The following ADCY9 variants were observed in gnomAD, a reference collection of about 807,000 sequenced individuals.
ADCY9 encodes the protein adenylate cyclase 9.
Under a neutral mutation model 101.5 loss-of-function variants are expected in ADCY9, and 50 were observed. The ratio of observed to expected loss-of-function variants is 0.49; its 90% confidence interval spans 0.39 to 0.62. ADCY9 has a LOEUF of 0.62. Ranked by LOEUF, ADCY9 falls within the 20% of genes least tolerant of loss-of-function variation. The pLI is 0.00. For missense variants in ADCY9, 1,662 were observed against 1,800.4 expected, an observed-to-expected ratio of 0.92 and a Z score of 1.39; for synonymous variants, 905 against 769.3, an observed-to-expected ratio of 1.18 and a Z score of -2.92.
At chr16:4,059,203 T>C (rs984215606) in intron 2 of ADCY9, among the ~76,000 whole-genome samples, 2 of 151,534 alleles carry the variant, frequency 1.3e-5, no homozygotes, top group African/African-American at 4.8e-5. Context: ...CTGGCCAACA[T>C]GATGAAACTC....
At chr16:4,073,211 C>T (rs1246033239) in intron 2 of ADCY9, among the ~76,000 whole-genome samples, 1 of 151,716 alleles carries the variant, frequency 6.6e-6, no homozygotes, top group Non-Finnish European at 1.5e-5. Flanking sequence ...TCTCCTGCCT[C>T]GGCCTCCCAA....
Position 3,992,707 on chromosome 16 carries a change from G to A in ADCY9, c.1990-344C>T, listed in dbSNP as rs190476633. On this transcript the variant is annotated intron_variant, in intron 4 of 10. Transcript: ENST00000294016. This position sits in a 1 kb window ranked among gnomAD's most constrained non-coding sequence, Gnocchi z 4.2. ...CAGAGTCTGCTTAGGCCAGAACCAC[G>A]GTTCTGGGAGCAGGGTGCATGGGTC... Among the ~76,000 whole-genome samples the A allele has an allele frequency of 8.6e-4, 131 of 152,248 alleles. 1 individual carries two copies. Among genetic ancestry groups the A allele is most frequent in the Admixed American group, 6.1e-3 (93 of 15,296 alleles).
chr16:4,001,658 C>G (rs2056331558), intron 3 of ADCY9, among the ~76,000 whole-genome samples: 1 of 152,168 alleles, frequency 6.6e-6, no homozygotes, highest in Non-Finnish European at 1.5e-5. Context: ...AAGCGATCCT[C>G]CCACCTCAGC....
At chr16:3,969,349 C>T (rs2907272) in intron 10 of ADCY9, among the ~76,000 whole-genome samples, 99,623 of 150,128 alleles carry the variant, frequency 0.66, 36,685 homozygotes, top group Non-Finnish European at 0.83. Flanking sequence ...CTGGGCTCAA[C>T]GATTCTTGCG....
intron 2 of ADCY9, among the ~76,000 whole-genome samples, chr16:4,026,856 C>A (rs1273113903): frequency 6.6e-6 from 1 of 152,134 alleles, no homozygotes; most frequent in East Asian, 1.9e-4. Context: ...AACTTAAGGC[C>A]GATTCACCCT....
intron 3 of ADCY9, among the ~76,000 whole-genome samples, chr16:4,006,095 G>A (rs1020995948): frequency 2.0e-5 from 3 of 152,160 alleles, no homozygotes; most frequent in East Asian, 3.9e-4. Context: ...CCACTGTCCC[G>A]GTGGTTTTCA....
intron 2 of ADCY9, among the ~76,000 whole-genome samples, chr16:4,084,161 G>A (rs34826380): frequency 0.49 from 73,802 of 151,712 alleles, 18,018 homozygotes; most frequent in Admixed American, 0.56. Flanking sequence ...ACCCAGGCTG[G>A]AATGCAGTGG....
intron 2 of ADCY9, among the ~76,000 whole-genome samples, chr16:4,076,443 G>A (rs11862728): frequency 7.6e-4 from 116 of 152,278 alleles, no homozygotes; most frequent in African/African-American, 2.7e-3. Flanking sequence ...TTTCTGTTTC[G>A]TGTTCCATCA....
chr16:4,056,279 G>A (rs1288600416), intron 2 of ADCY9, among the ~76,000 whole-genome samples: 4 of 152,108 alleles, frequency 2.6e-5, no homozygotes, highest in East Asian at 1.9e-4. Context: ...TTTTTGAGAC[G>A]AGTCTCACTC....
intron 3 of ADCY9, among the ~76,000 whole-genome samples, chr16:4,001,543 C>G (rs2056330776): frequency 6.6e-6 from 1 of 152,072 alleles, no homozygotes; most frequent in African/African-American, 2.4e-5. Context: ...CCTATTCCTA[C>G]CCCGCCCCCC....
intron 2 of ADCY9, among the ~76,000 whole-genome samples, chr16:4,010,691 G>A (rs1045421716): frequency 2.0e-5 from 3 of 152,150 alleles, no homozygotes; most frequent in Non-Finnish European, 2.9e-5. Flanking sequence ...AAGGAAGGAC[G>A]GGTGCTCCAG....
intron 2 of ADCY9, among the ~76,000 whole-genome samples, chr16:4,042,270 T>A (rs1290513758): frequency 1.3e-5 from 2 of 152,088 alleles, no homozygotes; most frequent in Non-Finnish European, 2.9e-5. Context: ...TTTTCCTATG[T>A]TGCACAGGCT....
intron 2 of ADCY9, among the ~76,000 whole-genome samples, chr16:4,105,668 A>G (rs1449746350): frequency 8.2e-6 from 1 of 121,802 alleles, no homozygotes; most frequent in Admixed American, 9.7e-5. Flanking sequence ...CAAGAGTGAG[A>G]CTCCGTCTCA....
At chr16:4,035,084 A>C (rs2056580517) in intron 2 of ADCY9, among the ~76,000 whole-genome samples, 1 of 152,226 alleles carries the variant, frequency 6.6e-6, no homozygotes, top group South Asian at 2.1e-4. Context: ...GATTAAACGG[A>C]GATGTGACAC....
At chr16:4,101,281 A>ATT (rs34733913) in intron 2 of ADCY9, among the ~76,000 whole-genome samples, 50,553 of 135,420 alleles carry the variant, frequency 0.37, 10,024 homozygotes, top group South Asian at 0.5. Context: ...TGTTCAGGTG[A>ATT]TTTTTTTTTT....
At chr16:4,043,617 G>C (rs1294227825) in intron 2 of ADCY9, among the ~76,000 whole-genome samples, 1 of 152,102 alleles carries the variant, frequency 6.6e-6, no homozygotes, top group African/African-American at 2.4e-5. Flanking sequence ...TTGAACATGA[G>C]AGGCAGAGGT....
chr16:4,022,026 G>A (rs1282468413), intron 2 of ADCY9, among the ~76,000 whole-genome samples: 1 of 152,134 alleles, frequency 6.6e-6, no homozygotes, highest in Non-Finnish European at 1.5e-5. Context: ...TTTAATCACT[G>A]AGACCATAAA....
At chr16:4,089,942 C>T (rs2056962970) in intron 2 of ADCY9, among the ~76,000 whole-genome samples, 1 of 152,074 alleles carries the variant, frequency 6.6e-6, no homozygotes, top group African/African-American at 2.4e-5. Flanking sequence ...GTTTTACCTA[C>T]CCACAGGCTT....
At chr16:4,033,870 GT>G (rs1470194204) in intron 2 of ADCY9, among the ~76,000 whole-genome samples, 7 of 152,154 alleles carry the variant, frequency 4.6e-5, no homozygotes, top group African/African-American at 1.7e-4. Flanking sequence ...ACTTTACAGG[GT>G]TTTGAGGATT....
Sources: allele counts gnomAD v4.1 joint callset (sites outside exome capture counted in the v4.1 genomes callset), GRCh38; gene constraint gnomAD v4.1.1; non-coding constraint Gnocchi (gnomAD v3.1); transcripts MANE v1.5; gene names NCBI Gene and HGNC (gene_info 2026-07-23, HGNC 2026-07-21).